Variants in OR51B5 observed in about 807,000 individuals in gnomAD.
OR51B5 encodes the protein olfactory receptor family 51 subfamily B member 5, also known as olfactory receptor 51B5.
For missense variants in OR51B5, 456 were observed against 374.6 expected (o/e 1.22, Z -1.79); for synonymous variants, 186 against 144.8 (o/e 1.28, Z -2.04).
intron 1 of OR51B5, among the ~76,000 whole-genome samples, chr11:5,442,476 C>T (rs1319920719): frequency 6.6e-6 from 1 of 152,116 alleles, no homozygotes; most frequent in Non-Finnish European, 1.5e-5. Flanking sequence ...TTCATTCTCT[C>T]CCTTTCTGCC....
chr11:5,482,692 C>T (rs879814753), intron 1 of OR51B5, among the ~76,000 whole-genome samples: 13 of 96,704 alleles, frequency 1.3e-4, no homozygotes, highest in East Asian at 1.2e-3. Flanking sequence ...AAAAAGTGGG[C>T]GAAGGACATG....
At chr11:5,480,741 T>C (rs1405913162) in intron 1 of OR51B5, among the ~76,000 whole-genome samples, 2 of 150,078 alleles carry the variant, frequency 1.3e-5, no homozygotes, top group African/African-American at 4.9e-5. Flanking sequence ...TCTATGGAAA[T>C]AAACTAGAAA....
intron 1 of OR51B5, among the ~76,000 whole-genome samples, chr11:5,434,747 T>C (rs1158732839): frequency 6.6e-6 from 1 of 152,192 alleles, no homozygotes; most frequent in African/African-American, 2.4e-5. Context: ...GGGCAATTTC[T>C]TCACTCCTAA....
chr11:5,426,994 AT>A (rs1455078042), intron 1 of OR51B5, among the ~76,000 whole-genome samples: 1 of 151,094 alleles, frequency 6.6e-6, no homozygotes, highest in African/African-American at 2.4e-5. Context: ...ATGAGACAAC[AT>A]TTGTTCACAG....
intron 1 of OR51B5, among the ~76,000 whole-genome samples, chr11:5,401,776 C>G (rs1398875542): frequency 2.6e-5 from 4 of 152,166 alleles, no homozygotes; most frequent in Admixed American, 2.0e-4. Flanking sequence ...TAAGTTGATC[C>G]AAGGTGCACT....
intron 1 of OR51B5, among the ~76,000 whole-genome samples, chr11:5,487,078 A>T (rs763588572): frequency 3.3e-5 from 5 of 152,172 alleles, no homozygotes; most frequent in Non-Finnish European, 7.4e-5. Flanking sequence ...AATGGACAGT[A>T]GGGTGAGGCA....
chr11:5,382,074 C>T (rs1161459275), intron 1 of OR51B5, among the ~76,000 whole-genome samples: 2 of 152,182 alleles, frequency 1.3e-5, no homozygotes, highest in Non-Finnish European at 2.9e-5. Context: ...ATTGTTATCT[C>T]CTGCCTTTTT....
intron 1 of OR51B5, among the ~76,000 whole-genome samples, chr11:5,475,503 A>G (rs1404749689): frequency 6.6e-6 from 1 of 152,180 alleles, no homozygotes; most frequent in Non-Finnish European, 1.5e-5. Context: ...CTTGGTGGAT[A>G]TTAAATATTA....
chr11:5,426,901 G>C (rs966407143), intron 1 of OR51B5, among the ~76,000 whole-genome samples: 1 of 152,182 alleles, frequency 6.6e-6, no homozygotes, highest in Admixed American at 6.5e-5. Context: ...ACTAAAGTCA[G>C]TTGTCATCAC....
intron 1 of OR51B5, chr11:5,505,205 T>C (rs1294888101): frequency 5.6e-6 from 5 of 894,000 alleles, no homozygotes; most frequent in African/African-American, 1.8e-5. Context: ...CAGGTTTTCT[T>C]TGGCTCAAAT....
chr11:5,404,811 G>C (rs1850035668), intron 1 of OR51B5, among the ~76,000 whole-genome samples: 1 of 152,202 alleles, frequency 6.6e-6, no homozygotes, highest in Admixed American at 6.5e-5. Context: ...ACCTGCAGAT[G>C]CACCATCTTT....
At chr11:5,413,121 G>C (rs943368602) in intron 1 of OR51B5, among the ~76,000 whole-genome samples, 3 of 152,126 alleles carry the variant, frequency 2.0e-5, no homozygotes, top group African/African-American at 7.2e-5. Context: ...CAGCATTCGC[G>C]GTTCACGAAA....
chr11:5,441,900 A>C (rs1850694753), intron 1 of OR51B5, among the ~76,000 whole-genome samples: 1 of 152,170 alleles, frequency 6.6e-6, no homozygotes, highest in Admixed American at 6.5e-5. Flanking sequence ...AAATTTACAG[A>C]TTCAATAACC....
chr11:5,430,915 A>G (rs971829094), intron 1 of OR51B5: 2 of 456,988 alleles, frequency 4.4e-6, no homozygotes, highest in African/African-American at 4.0e-5. Flanking sequence ...TCCAGAAGCA[A>G]TGCCCATCAC....
chr11:5,413,465 G>T (rs1282212250), intron 1 of OR51B5, among the ~76,000 whole-genome samples: 2 of 152,168 alleles, frequency 1.3e-5, no homozygotes, highest in African/African-American at 4.8e-5. Context: ...AGAGAAAAAG[G>T]CTTCAGACAA....
chr11:5,453,664 T>G, intron 1 of OR51B5: 1 of 1,613,466 alleles, frequency 6.2e-7, no homozygotes, highest in Non-Finnish European at 8.5e-7. Flanking sequence ...CATGAGCCCA[T>G]GTACTACTTC....
chr11:5,488,964 C>T (rs1851535985), intron 1 of OR51B5: 1 of 1,613,950 alleles, frequency 6.2e-7, no homozygotes, highest in Non-Finnish European at 8.5e-7. Flanking sequence ...AGATGCTGGC[C>T]ATTTTGTGGC....
At chr11:5,402,922 T>C (rs1849994171) in intron 1 of OR51B5, 1 of 471,224 alleles carries the variant, frequency 2.1e-6, no homozygotes, top group Non-Finnish European at 4.4e-6. Context: ...CTCCATCCAT[T>C]CTTTATCCAT....
chr11:5,342,953 G>A (rs201129188), exon 1 of OR51B5: 23 of 1,613,786 alleles, frequency 1.4e-5, no homozygotes, highest in Non-Finnish European at 1.7e-5. Context: ...TCGGTTGAAG[G>A]TGGTATCAGC....
Sources: allele counts gnomAD v4.1 joint callset (sites outside exome capture counted in the v4.1 genomes callset), GRCh38; gene constraint gnomAD v4.1.1; transcripts MANE v1.5; gene names NCBI Gene and HGNC (gene_info 2026-07-23, HGNC 2026-07-21).